Variants in UBXN8 observed in about 807,000 individuals in gnomAD.
UBXN8 encodes the protein UBX domain protein 8.
A neutral mutation model predicts 32.1 loss-of-function variants in UBXN8; 27 were observed. That is an observed-to-expected ratio of 0.84 (90% CI 0.62 to 1.16). The LOEUF is 1.16. UBXN8 is among the 50% of genes most tolerant of loss of function. UBXN8 has a pLI of 0.00. For missense variants in UBXN8, 306 were observed against 311.4 expected (o/e 0.98, Z 0.13); for synonymous variants, 109 against 111.8 (o/e 0.98, Z 0.16).
At chr8:30,741,427 C>T (rs557975078), upstream of UBXN8, among the ~76,000 whole-genome samples, 27 of 150,048 alleles carry the variant, frequency 1.8e-4, 1 homozygote, top group South Asian at 4.9e-3. Context: ...CTCTGAGACA[C>T]GACTAAGATT....
intron 1 of UBXN8, chr8:30,734,163 C>T (rs979011282): frequency 1.3e-5 from 2 of 152,100 alleles, no homozygotes; most frequent in African/African-American, 4.8e-5. Flanking sequence ...GCAGCGAGGC[C>T]CAGCACAATG....
chr8:30,738,351 C>T (rs1805111595), intron 1 of UBXN8, among the ~76,000 whole-genome samples: 2 of 151,670 alleles, frequency 1.3e-5, no homozygotes, highest in South Asian at 4.2e-4. Context: ...AAGACTCTGT[C>T]TTTTTAAAAA....
In UBXN8 at chr8:30,749,122, G is replaced by A. The variant is rs138135166; in HGVS notation, c.89-2274G>A. ...ATAACACCAAATACTGGCTGGGTGC[G>A]GTGGCTCATGCCTGTAATCCCAGCA... On this transcript the variant is annotated intron_variant, in intron 1 of 7. Coordinates refer to ENST00000265616, the MANE Select transcript of UBXN8 (RefSeq NM_005671.4). Among the ~76,000 whole-genome samples the A allele has an allele frequency of 6.2e-3, 944 of 152,022 alleles. 16 individuals carry two copies. The highest frequency in any genetic ancestry group is 0.021 in the African/African-American group (876 of 41,502).
At chr8:30,754,539 G>T in intron 3 of UBXN8, 126 bp from the exon 4 acceptor site, 1 of 1,304,072 alleles carries the variant, frequency 7.7e-7, no homozygotes, top group Non-Finnish European at 1.0e-6. Context: ...CAGCCAAACA[G>T]GGTGGCAGTG....
At chr8:30,738,586 GGGAGGC>G (rs1293591396) in intron 1 of UBXN8, among the ~76,000 whole-genome samples, 1 of 150,342 alleles carries the variant, frequency 6.7e-6, no homozygotes, top group Non-Finnish European at 1.5e-5. Flanking sequence ...GCCTGAATCT[GGGAGGC>G]GGAGCTTGCA....
chr8:30,729,654 C>G (rs1448596582), upstream of UBXN8, among the ~76,000 whole-genome samples: 3 of 152,102 alleles, frequency 2.0e-5, no homozygotes, highest in African/African-American at 7.3e-5. Context: ...TAAGCCTACT[C>G]CTCTAGGAAC....
At chr8:30,757,656 C>T (rs192704462) in intron 5 of UBXN8, among the ~76,000 whole-genome samples, 3 of 151,764 alleles carry the variant, frequency 2.0e-5, no homozygotes, top group Admixed American at 6.6e-5. Flanking sequence ...GTCACGAGTT[C>T]AAGACCAGCC....
At chr8:30,761,119 T>C (rs1485062641) in intron 6 of UBXN8, among the ~76,000 whole-genome samples, 190 bp downstream of exon 6, 1 of 152,024 alleles carries the variant, frequency 6.6e-6, no homozygotes, top group Non-Finnish European at 1.5e-5. Context: ...AGGCTGGCCT[T>C]GAACTCCTGG....
At chr8:30,754,195 G>T in intron 3 of UBXN8, 1 of 235,974 alleles carries the variant, frequency 4.2e-6, no homozygotes, top group Non-Finnish European at 8.5e-6. Context: ...AGTGGAGACT[G>T]CACCACTGCA....
chr8:30,753,409 AC>A (rs1805566762), intron 3 of UBXN8, among the ~76,000 whole-genome samples: 1 of 152,140 alleles, frequency 6.6e-6, no homozygotes, highest in Non-Finnish European at 1.5e-5. Flanking sequence ...GGTGCGCACC[AC>A]CACACCCAGC....
At chr8:30,735,333 T>G (rs1805048053) in intron 1 of UBXN8, among the ~76,000 whole-genome samples, 1 of 152,194 alleles carries the variant, frequency 6.6e-6, no homozygotes, top group Non-Finnish European at 1.5e-5. Context: ...AAACCATCAC[T>G]GAGTATGTCT....
At chr8:30,750,920 C>CTAT (rs1420162697) in intron 1 of UBXN8, among the ~76,000 whole-genome samples, 1 of 152,088 alleles carries the variant, frequency 6.6e-6, no homozygotes, top group Non-Finnish European at 1.5e-5. Flanking sequence ...AGTCCATAAA[C>CTAT]AATAAAGTAT....
chr8:30,738,556 G>GA (rs1191137719), intron 1 of UBXN8, among the ~76,000 whole-genome samples: 2 of 151,334 alleles, frequency 1.3e-5, no homozygotes, highest in Non-Finnish European at 2.9e-5. Context: ...AGCTACTCAG[G>GA]AGGCTAAGGC....
rs1805294625 is a variant in UBXN8, at chr8:30,744,207, T to A, written c.18T>A (p.Val6=). The A allele has an allele frequency of 6.2e-7, 1 of 1,613,734 alleles. No homozygotes were observed. Among genetic ancestry groups the A allele is most frequent in the Non-Finnish European group, 8.5e-7 (1 of 1,179,812 alleles). MASRG[V]VGIFFLSAVP... The stretch of plus-strand genomic sequence containing the variant: ...CCGCCACCATGGCTTCACGTGGGGT[T>A]GTTGGCATTTTCTTCCTCTCTGCTG... The change falls in exon 1 of 8, where the codon GTT becomes GTA. Residue 6 remains valine, a synonymous_variant. Coordinates refer to ENST00000265616, the MANE Select transcript of UBXN8 (RefSeq NM_005671.4).
intron 5 of UBXN8, among the ~76,000 whole-genome samples, chr8:30,757,910 A>G (rs9772303): frequency 2.7e-4 from 41 of 151,180 alleles, no homozygotes; most frequent in African/African-American, 5.3e-4. Context: ...TTTTTGAGAC[A>G]GAGTCTCACT....
chr8:30,753,404 G>T (rs548246084), intron 3 of UBXN8, among the ~76,000 whole-genome samples: 1 of 152,116 alleles, frequency 6.6e-6, no homozygotes, highest in Admixed American at 6.6e-5. Context: ...TTACAGGTGC[G>T]CACCACCACA....
chr8:30,737,369 GC>G (rs1805089376), intron 1 of UBXN8, among the ~76,000 whole-genome samples: 3 of 152,154 alleles, frequency 2.0e-5, no homozygotes, highest in Non-Finnish European at 4.4e-5. Flanking sequence ...ATAATGGAGG[GC>G]AATCTGCTTA....
intron 1 of UBXN8, among the ~76,000 whole-genome samples, chr8:30,750,878 C>G (rs1805504205): frequency 6.6e-6 from 1 of 151,958 alleles, no homozygotes; most frequent in Admixed American, 6.6e-5. Context: ...TCTGTCTGTC[C>G]CGAACATCTA....
chr8:30,746,097 T>A (rs1459847495), intron 1 of UBXN8, among the ~76,000 whole-genome samples: 1 of 152,164 alleles, frequency 6.6e-6, no homozygotes, highest in African/African-American at 2.4e-5. Context: ...TTTGTTTTTG[T>A]ATTCCCAGCA....
Sources: allele counts gnomAD v4.1 joint callset (sites outside exome capture counted in the v4.1 genomes callset), GRCh38; gene constraint gnomAD v4.1.1; transcripts MANE v1.5; gene names NCBI Gene and HGNC (gene_info 2026-07-23, HGNC 2026-07-21).